Variants in RAPH1 observed in about 807,000 individuals in gnomAD.
The protein encoded by RAPH1 is Ras association (RalGDS/AF-6) and pleckstrin homology domains 1.
In RAPH1, 18 loss-of-function variants were observed where a neutral mutation model predicts 88.1. The observed-to-expected ratio is 0.20, with a 90% CI of 0.14 to 0.30. The LOEUF (loss-of-function observed/expected upper bound fraction) is 0.30, where lower values mean the gene tolerates loss of function less well. RAPH1 is among the 10% of genes least tolerant of loss of function. The pLI is 1.00. For synonymous variants in RAPH1, 587 were observed against 559.0 expected, an observed-to-expected ratio of 1.05 and a Z score of -0.71; for missense variants, 1,448 against 1,543.2, an observed-to-expected ratio of 0.94 and a Z score of 1.03.
intron 1 of RAPH1, among the ~76,000 whole-genome samples, chr2:203,497,642 A>T (rs748294497): frequency 6.6e-6 from 1 of 152,170 alleles, no homozygotes; most frequent in African/African-American, 2.4e-5. Context: ...TCTAATAAAT[A>T]TATCTCTAAT....
intron 4 of RAPH1, chr2:203,477,252 A>C (rs1458166181): frequency 3.3e-6 from 3 of 906,318 alleles, no homozygotes; most frequent in African/African-American, 3.3e-5. Flanking sequence ...CAATGAAGTG[A>C]AACAAAACAG....
intron 10 of RAPH1, among the ~76,000 whole-genome samples, chr2:203,453,497 G>A (rs141542655): frequency 1.6e-5 from 2 of 126,846 alleles, no homozygotes; most frequent in East Asian, 5.5e-4. Context: ...AGTGAGCTGT[G>A]ATTGTGCCAC....
intron 1 of RAPH1, among the ~76,000 whole-genome samples, chr2:203,506,780 C>CTA (rs1347418606): frequency 5.1e-5 from 4 of 77,700 alleles, no homozygotes; most frequent in African/African-American, 2.7e-4. Context: ...CTATATATAT[C>CTA]TAGATATATA....
chr2:203,515,802 G>A (rs1581397373), intron 1 of RAPH1, among the ~76,000 whole-genome samples: 3 of 152,316 alleles, frequency 2.0e-5, no homozygotes, highest in East Asian at 3.9e-4. Context: ...AAGTGAAGGA[G>A]AAATACTTTC....
intron 4 of RAPH1, among the ~76,000 whole-genome samples, chr2:203,465,360 T>A (rs1413041914): frequency 1.3e-5 from 2 of 152,168 alleles, no homozygotes; most frequent in African/African-American, 4.8e-5. Flanking sequence ...ACATTAAGTG[T>A]GTAATACTAA....
intron 4 of RAPH1, among the ~76,000 whole-genome samples, chr2:203,462,373 A>G (rs2098524816): frequency 6.6e-6 from 1 of 152,236 alleles, no homozygotes; most frequent in African/African-American, 2.4e-5. Context: ...CTGAAAGTAT[A>G]CCACTATCAT....
At chr2:203,475,689 T>C (rs560869231) in intron 4 of RAPH1, among the ~76,000 whole-genome samples, 5 of 151,410 alleles carry the variant, frequency 3.3e-5, no homozygotes, top group East Asian at 1.9e-4. Flanking sequence ...CTATCACTTA[T>C]AACATGTTTC....
chr2:203,496,012 T>A (rs866989188), intron 1 of RAPH1, among the ~76,000 whole-genome samples: 2 of 152,362 alleles, frequency 1.3e-5, no homozygotes, highest in Middle Eastern at 6.8e-3. Context: ...ATGTGGTGAC[T>A]TTTCAAATAT....
At chr2:203,531,688 C>T (rs971602841) in intron 1 of RAPH1, among the ~76,000 whole-genome samples, 4 of 152,104 alleles carry the variant, frequency 2.6e-5, no homozygotes, top group Admixed American at 6.6e-5. Flanking sequence ...TACCACACCA[C>T]GCCCATTAGA....
In RAPH1 at chr2:203,459,984, TAAG is replaced by T. The variant is rs1179558099; in HGVS notation, c.1012_1014del (p.Leu338del). The T allele has an allele frequency of 6.2e-7, 1 of 1,609,626 alleles. No individual in the cohort carries two copies. Among genetic ancestry groups the T allele is most frequent in the Non-Finnish European group, 8.5e-7 (1 of 1,176,684 alleles). ...TTGTTTTGGCTATCTCTTGTCCAAT[TAAG>T]AAGATTTTCAACCAAGTTTTCATGG... On this transcript the variant is annotated inframe_deletion, in exon 7 of 14. Transcript: ENST00000319170.
intron 4 of RAPH1, among the ~76,000 whole-genome samples, chr2:203,463,804 G>C (rs563324999): frequency 6.6e-6 from 1 of 152,060 alleles, no homozygotes; most frequent in Non-Finnish European, 1.5e-5. Context: ...ACATGTTTAC[G>C]TTTTAAGATA....
chr2:203,494,006 G>GA (rs1229510893), intron 2 of RAPH1, among the ~76,000 whole-genome samples: 5 of 100,508 alleles, frequency 5.0e-5, no homozygotes, highest in African/African-American at 1.9e-4. Flanking sequence ...AAAGAAAAAA[G>GA]AAAAAAAAAA....
chr2:203,484,011 A>G (rs759020163), intron 4 of RAPH1, among the ~76,000 whole-genome samples: 2 of 152,154 alleles, frequency 1.3e-5, no homozygotes, highest in Non-Finnish European at 2.9e-5. Flanking sequence ...AGCCTGTCAC[A>G]TGACTTCTCA....
intron 1 of RAPH1, among the ~76,000 whole-genome samples, chr2:203,526,173 C>T (rs940215142): frequency 5.3e-5 from 8 of 152,006 alleles, no homozygotes; most frequent in African/African-American, 1.2e-4. Flanking sequence ...CCTATAATTT[C>T]GACTGTATTG....
chr2:203,490,054 C>T lies in RAPH1; in HGVS notation c.262G>A (p.Ala88Thr). 6.2e-7 allele frequency: 1 copy of T among 1,613,216 alleles called. No homozygotes were observed. Residue 88 changes from alanine to threonine, a missense_variant, in exon 4 of 14, where the codon GCC (alanine) becomes ACC (threonine). Around this residue, in one of 2 missense-constraint regions of RAPH1, gnomAD observed 513 missense variants for 653.1 expected, o/e 0.79. Coordinates refer to ENST00000319170, the MANE Select transcript of RAPH1 (RefSeq NM_213589.3). ...ATAGAGCAAAGATCAGCCATCAAGG[C>T]ATCCAGATCCACAGTCTCTCCCTGA... is the stretch of plus-strand genomic sequence containing the variant. ...LNQGETVDLD[A>T]LMADLCSIEQ... is the part of the protein sequence containing the mutation.
chr2:203,475,819 T>A (rs1687401347), intron 4 of RAPH1, among the ~76,000 whole-genome samples: 1 of 151,748 alleles, frequency 6.6e-6, no homozygotes, highest in African/African-American at 2.4e-5. Context: ...TAGGTAGGTG[T>A]AAGGTTTGAC....
chr2:203,486,655 G>T (rs1250595185), intron 4 of RAPH1, among the ~76,000 whole-genome samples: 1 of 152,162 alleles, frequency 6.6e-6, no homozygotes, highest in Non-Finnish European at 1.5e-5. Context: ...ATATCTCATA[G>T]AACTATTTAA....
chr2:203,487,362 C>T (rs1688016259), intron 4 of RAPH1, among the ~76,000 whole-genome samples: 1 of 151,922 alleles, frequency 6.6e-6, no homozygotes. Flanking sequence ...TCCCAGGTAT[C>T]ACAAAATAGA....
chr2:203,472,136 T>A (rs576366069), intron 4 of RAPH1, among the ~76,000 whole-genome samples: 7 of 151,364 alleles, frequency 4.6e-5, no homozygotes, highest in East Asian at 3.9e-4. Context: ...TCTTTTTTTT[T>A]TTTTTTATTT....
Sources: allele counts gnomAD v4.1 joint callset (sites outside exome capture counted in the v4.1 genomes callset), GRCh38; gene constraint gnomAD v4.1.1; regional missense constraint gnomAD v4.1.1; transcripts MANE v1.5; gene names NCBI Gene and HGNC (gene_info 2026-07-23, HGNC 2026-07-21).